The following TTC28 variants were observed in gnomAD, a reference collection of about 807,000 sequenced individuals.
TTC28 encodes tetratricopeptide repeat protein 28.
Under a neutral mutation model 198.0 loss-of-function variants are expected in TTC28, and 61 were observed. The ratio of observed to expected loss-of-function variants is 0.31; its 90% CI spans 0.25 to 0.38. The LOEUF (loss-of-function observed/expected upper bound fraction) is 0.38. Among genes scored for constraint, TTC28 ranks in the 10% least tolerant of loss-of-function variants. The pLI is 1.00. For missense variants in TTC28, 2,678 were observed against 3,164.0 expected (o/e 0.85, Z 3.69); for synonymous variants, 1,171 against 1,297.8 (o/e 0.90, Z 2.10).
chr22:28,221,957 T>C (rs1927907964), intron 5 of TTC28, among the ~76,000 whole-genome samples: 1 of 152,238 alleles, frequency 6.6e-6, no homozygotes, highest in Non-Finnish European at 1.5e-5. Flanking sequence ...CATTTAGTGG[T>C]TACTCAATAA....
At chr22:28,532,106 T>C (rs1008100693) in intron 2 of TTC28, among the ~76,000 whole-genome samples, 7 of 151,336 alleles carry the variant, frequency 4.6e-5, no homozygotes, top group African/African-American at 1.7e-4. Flanking sequence ...CTTCAAAAAA[T>C]CAAATGGAGG....
chr22:28,587,482 A>C (rs1354841330), intron 2 of TTC28, among the ~76,000 whole-genome samples: 2 of 152,180 alleles, frequency 1.3e-5, no homozygotes, highest in East Asian at 3.8e-4. Context: ...GAACTCTAAA[A>C]GAATCCTCCT....
intron 2 of TTC28, among the ~76,000 whole-genome samples, chr22:28,571,610 A>C (rs2050060961): frequency 6.6e-6 from 1 of 152,192 alleles, no homozygotes. Context: ...ATCTGAAACA[A>C]ATCTTTGAAA....
At chr22:28,330,381 T>A (rs1018215692) in intron 2 of TTC28, among the ~76,000 whole-genome samples, 1 of 152,156 alleles carries the variant, frequency 6.6e-6, no homozygotes, top group Non-Finnish European at 1.5e-5. Context: ...GGGGCCTCGA[T>A]TGGCTGAACA....
intron 12 of TTC28, among the ~76,000 whole-genome samples, chr22:28,035,828 G>C (rs1939318030): frequency 6.6e-6 from 1 of 152,172 alleles, no homozygotes; most frequent in Admixed American, 6.5e-5. Context: ...AACAGCAGGG[G>C]TTGCAATCTT....
At chr22:28,409,919 G>A (rs2047056458) in intron 2 of TTC28, among the ~76,000 whole-genome samples, 1 of 53,038 alleles carries the variant, frequency 1.9e-5, no homozygotes, top group Non-Finnish European at 3.4e-5. Flanking sequence ...GCCTGCCAAA[G>A]TGCTAAGTGT....
In TTC28 at chr22:28,094,913, G is replaced by A. The variant is rs2146859351; in HGVS notation, c.3767-668C>T. Among the ~76,000 whole-genome samples the A allele has an allele frequency of 2.0e-5, 3 of 152,190 alleles. No individual in the cohort carries two copies. The South Asian group carries it at 6.2e-4, about 32-fold the overall frequency. On this transcript the variant is annotated intron_variant, in intron 11 of 22. Coordinates refer to ENST00000397906, the MANE Select transcript of TTC28 (RefSeq NM_001145418.2). Reference sequence around the variant, plus strand: ...TGGAAAACGCCGGTCCTCTCTGATTGGATTAGCGCCCCCAGTGAAAGCTTC... The same window carrying A: ...TGGAAAACGCCGGTCCTCTCTGATTAGATTAGCGCCCCCAGTGAAAGCTTC...
intron 10 of TTC28, 78 bp downstream of exon 10, chr22:28,098,836 TA>T: frequency 1.3e-6 from 2 of 1,490,040 alleles, no homozygotes; most frequent in Non-Finnish European, 1.8e-6. Context: ...CCGCTGTCAC[TA>T]AACAACTTGG....
At chr22:28,165,482 GA>G (rs1427277537) in intron 5 of TTC28, among the ~76,000 whole-genome samples, 7 of 147,438 alleles carry the variant, frequency 4.7e-5, no homozygotes, top group African/African-American at 1.7e-4. Context: ...CTGATCTCAG[GA>G]CAGAAACTCT....
intron 2 of TTC28, among the ~76,000 whole-genome samples, chr22:28,591,273 A>AT (rs200904608): frequency 1.7e-3 from 259 of 150,008 alleles, no homozygotes; most frequent in African/African-American, 6.1e-3. Flanking sequence ...TCACCTGACT[A>AT]TTTTTTTTAT....
chr22:28,173,840 T>C (rs1345667466), intron 5 of TTC28, among the ~76,000 whole-genome samples: 1 of 152,208 alleles, frequency 6.6e-6, no homozygotes, highest in Non-Finnish European at 1.5e-5. Flanking sequence ...ATCTAGCATG[T>C]TTTTCCCTTA....
At chr22:28,467,844 C>G (rs555371252) in intron 2 of TTC28, among the ~76,000 whole-genome samples, 12 of 152,310 alleles carry the variant, frequency 7.9e-5, no homozygotes, top group Middle Eastern at 6.8e-3. Context: ...TCACTGCAGC[C>G]TCTACCTCCG....
intron 2 of TTC28, among the ~76,000 whole-genome samples, chr22:28,587,370 T>G (rs139347955): frequency 1.7e-4 from 26 of 152,216 alleles, no homozygotes; most frequent in African/African-American, 5.8e-4. Context: ...TCTCAAAAAA[T>G]AGTAATAATA....
intron 2 of TTC28, among the ~76,000 whole-genome samples, chr22:28,331,078 T>C (rs1313906551): frequency 6.6e-6 from 1 of 152,116 alleles, no homozygotes; most frequent in Non-Finnish European, 1.5e-5. Context: ...GGAGAAGAAA[T>C]GGAACTGAAA....
chr22:28,326,633 AG>A (rs2045534111), intron 2 of TTC28, among the ~76,000 whole-genome samples: 1 of 152,218 alleles, frequency 6.6e-6, no homozygotes, highest in Non-Finnish European at 1.5e-5. Context: ...AACAAAAGAC[AG>A]ATACCTTTTA....
At chr22:28,101,564 T>C (rs754405703) in intron 8 of TTC28, among the ~76,000 whole-genome samples, 6 of 151,792 alleles carry the variant, frequency 4.0e-5, no homozygotes, top group Non-Finnish European at 8.8e-5. Flanking sequence ...TTTCACCATG[T>C]TGCCCAGGCT....
rs74427365 is a variant in TTC28 at position 28,373,692 on chromosome 22, C to T, written c.382-67049G>A. On this transcript the variant is annotated intron_variant, in intron 2 of 22. Transcript: ENST00000397906. ...ATAAGAATACTACAAAATAACTATA[C>T]GAAGTTTACAGAGTGATGTGACCAA... is the stretch of plus-strand genomic sequence containing the variant. Among the ~76,000 whole-genome samples the T allele has an allele frequency of 7.8e-3, 1,188 of 152,204 alleles. 23 individuals carry two copies. Among genetic ancestry groups the T allele is most frequent in the African/African-American group, 0.026 (1,091 of 41,542 alleles).
intron 2 of TTC28, among the ~76,000 whole-genome samples, chr22:28,609,937 C>G (rs1188006443): frequency 1.3e-5 from 2 of 152,186 alleles, no homozygotes; most frequent in Admixed American, 6.5e-5. Context: ...CTTGAGAAGG[C>G]AGTTTTACCC....
intron 2 of TTC28, among the ~76,000 whole-genome samples, chr22:28,462,963 A>G (rs1352427656): frequency 6.6e-6 from 1 of 152,250 alleles, no homozygotes; most frequent in East Asian, 1.9e-4. Context: ...GAACTGGCAG[A>G]AAGAGGGACA....
Sources: gnomAD v4.1 joint callset for allele counts (sites outside exome capture counted in the v4.1 genomes callset) on GRCh38, gnomAD v4.1.1 for gene constraint, MANE v1.5 for transcripts, NCBI Gene and HGNC (gene_info 2026-07-23, HGNC 2026-07-21) for gene names.